The following IQCM variants were observed in gnomAD, a reference collection of about 807,000 sequenced individuals.
IQCM encodes the protein IQ domain-containing protein M.
Under a neutral mutation model 57.6 loss-of-function variants are expected in IQCM, and 45 were observed. The observed-to-expected ratio is 0.78, with a 90% confidence interval of 0.62 to 1.00. IQCM has a LOEUF of 1.00. IQCM is among the 50% of genes least tolerant of loss of function. IQCM has a pLI of 0.00. For synonymous variants in IQCM, 148 were observed against 158.9 expected (o/e 0.93, Z 0.51); for missense variants, 468 against 511.6 (o/e 0.91, Z 0.82).
intron 12 of IQCM, among the ~76,000 whole-genome samples, chr4:149,448,468 C>A (rs1736745011): frequency 6.6e-6 from 1 of 150,524 alleles, no homozygotes; most frequent in African/African-American, 2.4e-5. Context: ...TAAATGAAAC[C>A]CAGAAAATAT....
intron 13 of IQCM, among the ~76,000 whole-genome samples, chr4:149,388,880 A>G (rs191168491): frequency 9.9e-4 from 149 of 150,896 alleles, no homozygotes; most frequent in Non-Finnish European, 8.9e-4. Context: ...ATTGAACACA[A>G]GGCCATTATC....
chr4:149,499,736 G>T (rs1659035753), intron 12 of IQCM, among the ~76,000 whole-genome samples: 1 of 152,062 alleles, frequency 6.6e-6, no homozygotes, highest in Admixed American at 6.6e-5. Flanking sequence ...ACTAATTAAA[G>T]TGGTGGCCTG....
At chr4:149,626,521 T>C (rs1756826635) in intron 7 of IQCM, among the ~76,000 whole-genome samples, 2 of 151,660 alleles carry the variant, frequency 1.3e-5, no homozygotes, top group African/African-American at 4.8e-5. Context: ...TATGGGAACT[T>C]CATTCTGATT....
Position 149,553,202 on chromosome 4 carries a change from C to T in IQCM, c.1034G>A (p.Trp345Ter). The T allele has an allele frequency of 8.1e-7, 1 of 1,231,986 alleles. No individual in the cohort carries two copies. Among genetic ancestry groups the T allele is most frequent in the Non-Finnish European group, 1.0e-6 (1 of 987,870 alleles). The allele number at this position is 1,231,986 out of a possible 1,614,324, so 76.3% of individuals were successfully genotyped here. A position where few individuals can be genotyped will look rare whatever the true frequency, so the allele number is the denominator to read the frequency against. The change falls in exon 11 of 14, where the codon TGG (tryptophan) becomes TAG (stop). Residue 345 changes from tryptophan to a stop codon, truncating the protein, a stop_gained. Coordinates refer to ENST00000636793, the MANE Select transcript of IQCM (RefSeq NM_001363507.2). LOFTEE classifies it high-confidence loss of function. ...TAAGTTGAGAATTTGTCTTGTCCTCCAAAGACCACGTCGATATCTAACACG... is the reference window on the plus strand; with the variant it reads ...TAAGTTGAGAATTTGTCTTGTCCTCTAAAGACCACGTCGATATCTAACACG... ...IHRVRYRRGL[W>*]RTRQILNLAE...
chr4:149,814,126 A>G (rs1392303206), intron 2 of IQCM, among the ~76,000 whole-genome samples: 1 of 152,054 alleles, frequency 6.6e-6, no homozygotes, highest in Non-Finnish European at 1.5e-5. Context: ...GATGGAGCCT[A>G]GGTCCTGAGT....
Position 149,433,434 on chromosome 4 carries a change from C to T in IQCM, c.1352G>A (p.Arg451Lys), listed in dbSNP as rs1162343585. ...DSTLLKSTWL[R>K]PIVNGEEGYR... ...ACCTTCTTCCCCATTTACTATGGGT[C>T]TCAACCAAGTCGACTTGAGTAGTGT... Residue 451 changes from arginine (R) to lysine (K), a missense_variant, in exon 13 of 14, where the codon AGA (arginine) becomes AAA (lysine). Coordinates refer to ENST00000636793, the MANE Select transcript of IQCM (RefSeq NM_001363507.2). The T allele has an allele frequency of 4.9e-6, 6 of 1,226,734 alleles. No individual in the cohort carries two copies. The highest frequency in any genetic ancestry group is 5.1e-6 in the Non-Finnish European group (5 of 983,540). The allele number at this position is 1,226,734 out of a possible 1,614,324, so 76.0% of individuals were successfully genotyped here.
At chr4:149,532,239 G>A (rs947475911) in intron 12 of IQCM, among the ~76,000 whole-genome samples, 1 of 152,004 alleles carries the variant, frequency 6.6e-6, no homozygotes, top group Admixed American at 6.6e-5. Flanking sequence ...ATAAATATAA[G>A]AGCAGCAATA....
chr4:149,511,716 C>T (rs1473733228), intron 12 of IQCM, among the ~76,000 whole-genome samples: 14 of 152,116 alleles, frequency 9.2e-5, no homozygotes, highest in Non-Finnish European at 4.4e-5. Context: ...TACTGGACTA[C>T]ACATTACAGC....
At chr4:149,721,122 T>C (rs1288942211) in intron 5 of IQCM, among the ~76,000 whole-genome samples, 1 of 152,106 alleles carries the variant, frequency 6.6e-6, no homozygotes, top group Non-Finnish European at 1.5e-5. Context: ...AAATATTTTT[T>C]TAAAATACAC....
intron 12 of IQCM, among the ~76,000 whole-genome samples, chr4:149,434,491 C>T (rs1263150655): frequency 6.6e-6 from 1 of 152,090 alleles, no homozygotes; most frequent in South Asian, 2.1e-4. Flanking sequence ...AAGAGAGACA[C>T]TAATGTAAAT....
intron 12 of IQCM, among the ~76,000 whole-genome samples, chr4:149,523,891 T>C (rs1745906233): frequency 6.6e-6 from 1 of 151,934 alleles, no homozygotes. Context: ...AAGGGCAGAG[T>C]AAACGCATTC....
intron 13 of IQCM, among the ~76,000 whole-genome samples, chr4:149,411,807 A>C (rs946597047): frequency 6.6e-6 from 1 of 152,144 alleles, no homozygotes; most frequent in African/African-American, 2.4e-5. Flanking sequence ...CTGTTTTATC[A>C]ATTTTTAAAA....
At chr4:149,664,863 A>G (rs1178724117) in intron 7 of IQCM, among the ~76,000 whole-genome samples, 1 of 152,142 alleles carries the variant, frequency 6.6e-6, no homozygotes, top group African/African-American at 2.4e-5. Context: ...ACATAGGCAT[A>G]CACAGCCTCA....
chr4:149,405,991 A>C (rs1732955178), intron 13 of IQCM, among the ~76,000 whole-genome samples: 1 of 150,546 alleles, frequency 6.6e-6, no homozygotes, highest in African/African-American at 2.4e-5. Flanking sequence ...TGATATTATC[A>C]TGAAATTATA....
intron 8 of IQCM, among the ~76,000 whole-genome samples, chr4:149,617,055 A>C (rs1755856118): frequency 6.6e-6 from 1 of 151,762 alleles, no homozygotes; most frequent in African/African-American, 2.4e-5. Context: ...TCCTGGGTTC[A>C]AGGTATTCTC....
intron 2 of IQCM, among the ~76,000 whole-genome samples, chr4:149,762,382 G>A (rs1232698697): frequency 6.6e-6 from 1 of 152,032 alleles, no homozygotes; most frequent in Admixed American, 6.6e-5. Context: ...AAGAAAAACT[G>A]CATGGTGAAT....
intron 13 of IQCM, among the ~76,000 whole-genome samples, chr4:149,420,451 G>A (rs748808315): frequency 7.9e-5 from 12 of 151,884 alleles, no homozygotes; most frequent in African/African-American, 1.5e-4. Flanking sequence ...CACAGGGAGC[G>A]AAATAACAAC....
At chr4:149,488,228 A>G (rs926412960) in intron 12 of IQCM, among the ~76,000 whole-genome samples, 11 of 152,248 alleles carry the variant, frequency 7.2e-5, no homozygotes, top group Non-Finnish European at 1.0e-4. Flanking sequence ...ATATTTATCT[A>G]TTACAAACAA....
chr4:149,687,248 C>T (rs868419541), intron 5 of IQCM, among the ~76,000 whole-genome samples: 4 of 151,398 alleles, frequency 2.6e-5, no homozygotes, highest in South Asian at 4.1e-4. Flanking sequence ...AATTATGTAA[C>T]GTATATTCAA....
Sources: gnomAD v4.1 joint callset for allele counts (sites outside exome capture counted in the v4.1 genomes callset) on GRCh38, gnomAD v4.1.1 for gene constraint, MANE v1.5 for transcripts, NCBI Gene and HGNC (gene_info 2026-07-23, HGNC 2026-07-21) for gene names.